LRP2: variants seen among roughly 807,000 people sequenced by gnomAD.
The protein encoded by LRP2 is LDL receptor related protein 2.
LRP2 carries 172 observed loss-of-function variants against 531.0 expected under a neutral mutation model. The observed-to-expected ratio is 0.32, with a 90% CI of 0.29 to 0.37. LRP2 has a LOEUF of 0.37. Among genes scored for constraint, LRP2 ranks in the 10% least tolerant of loss-of-function variants. The pLI, the probability that LRP2 is intolerant of heterozygous loss-of-function variation, is 1.00. For synonymous variants in LRP2, 1,992 were observed against 2,027.6 expected, an observed-to-expected ratio of 0.98 and a Z score of 0.47; for missense variants, 5,167 against 5,868.3, an observed-to-expected ratio of 0.88 and a Z score of 3.90.
chr2:169,243,633 T>C, intron 22 of LRP2, 111 bp from the exon 23 acceptor site: 1 of 1,303,842 alleles, frequency 7.7e-7, no homozygotes, highest in Non-Finnish European at 1.1e-6. Context: ...TGTACATGGG[T>C]TCAAAATTCT....
intron 77 of LRP2, among the ~76,000 whole-genome samples, chr2:169,131,518 A>T (rs1003493685): frequency 2.6e-5 from 4 of 152,204 alleles, no homozygotes; most frequent in Non-Finnish European, 5.9e-5. Flanking sequence ...AACTACTCTT[A>T]GACTTTCATT....
In LRP2 at chr2:169,156,510, G is replaced by C. The variant is rs1686336766; in HGVS notation, c.12020-105C>G. On this transcript the variant is annotated intron_variant, in intron 64 of 78. Transcript: ENST00000649046. ...TTCACCAGCAATGAGGACCGAGAAG[G>C]GTACAGATGAAAATAAGCAATGATA... 3.2e-6 allele frequency: 4 copies of C among 1,261,162 alleles called. No homozygotes were observed. In the Admixed American group the frequency reaches 6.8e-5, roughly 21 times the overall value. The allele number at this position is 1,261,162 out of a possible 1,614,324, so 78.1% of individuals were successfully genotyped here.
At chr2:169,322,283 G>A (rs1684926773) in intron 1 of LRP2, among the ~76,000 whole-genome samples, 1 of 152,196 alleles carries the variant, frequency 6.6e-6, no homozygotes, top group Admixed American at 6.5e-5. Context: ...TATTTCTAGG[G>A]TATATAGGCT....
chr2:169,243,016 C>G lies in LRP2; in HGVS notation c.3607G>C (p.Val1203Leu), dbSNP rs144864408. Reference sequence around the variant, plus strand: ...AAAACACCATCACAACGATTTGTGACGCCAATACATTTATCCCCACTGGCA... The same window carrying G: ...AAAACACCATCACAACGATTTGTGAGGCCAATACATTTATCCCCACTGGCA... The part of the protein sequence containing the change: ...KCASGDKCIG[V>L]TNRCDGVFDC... Residue 1203 changes from valine to leucine, a missense_variant, in exon 24 of 79, where the codon GTC (valine) becomes CTC (leucine). Val to Leu is a conservative substitution (Grantham distance 32). Transcript: ENST00000649046. 6.2e-7 allele frequency: 1 copy of G among 1,614,000 alleles called. No individual in the cohort carries two copies. The highest frequency in any genetic ancestry group is 1.3e-5 in the African/African-American group (1 of 74,928).
intron 60 of LRP2, 118 bp downstream of exon 60, chr2:169,169,584 A>C: frequency 2.5e-6 from 2 of 809,258 alleles, no homozygotes; most frequent in Non-Finnish European, 4.4e-6. Flanking sequence ...TTATCAGTGC[A>C]TGCTGAACAG....
intron 16 of LRP2, among the ~76,000 whole-genome samples, chr2:169,269,675 C>A (rs1208633759): frequency 6.6e-6 from 1 of 152,132 alleles, no homozygotes; most frequent in African/African-American, 2.4e-5. Flanking sequence ...TAGACAATAC[C>A]ATTCAGGCCA....
intron 1 of LRP2, among the ~76,000 whole-genome samples, chr2:169,342,238 C>T (rs1016296220): frequency 1.3e-5 from 2 of 148,966 alleles, no homozygotes; most frequent in Admixed American, 1.3e-4. Flanking sequence ...ATGTAATTAA[C>T]ATACACATAC....
intron 35 of LRP2, among the ~76,000 whole-genome samples, chr2:169,215,183 C>T (rs541986794): frequency 3.3e-5 from 5 of 152,276 alleles, no homozygotes; most frequent in Admixed American, 2.0e-4. Flanking sequence ...GGTCCATATT[C>T]GGAGTGAAGT....
chr2:169,323,770 G>A (rs984072218), intron 1 of LRP2, among the ~76,000 whole-genome samples: 20 of 151,318 alleles, frequency 1.3e-4, no homozygotes, highest in Non-Finnish European at 2.9e-4. Flanking sequence ...TCCAGTTTTA[G>A]CCAAGAAGTA....
Position 169,141,569 on chromosome 2 carries a change from C to G in LRP2, c.13109-1024G>C, listed in dbSNP as rs573855842. 3.6e-4 allele frequency among the ~76,000 whole-genome samples: 55 copies of G among 152,230 alleles called. 1 individual carries two copies. In the South Asian group the frequency reaches 0.011, roughly 31 times the overall value. ...CCTATATGGAATGACTGCCATCATTCGTGTGCTTACTTCGGTTAAAGTTCT... is the reference window on the plus strand; with the variant it reads ...CCTATATGGAATGACTGCCATCATTGGTGTGCTTACTTCGGTTAAAGTTCT... On this transcript the variant is annotated intron_variant, in intron 71 of 78. Coordinates refer to ENST00000649046, the MANE Select transcript of LRP2 (RefSeq NM_004525.3).
intron 45 of LRP2, 100 bp from the exon 46 acceptor site, chr2:169,197,130 C>A: frequency 7.0e-7 from 1 of 1,420,126 alleles, no homozygotes. Context: ...TAATAGTTAC[C>A]AAAAAAGGAA....
intron 1 of LRP2, among the ~76,000 whole-genome samples, chr2:169,357,932 C>T (rs147617991): frequency 3.9e-5 from 6 of 152,186 alleles, no homozygotes; most frequent in East Asian, 3.9e-4. Flanking sequence ...TTCAGGAATG[C>T]GCTTTGATGG....
chr2:169,131,915 T>C (rs902687639), intron 77 of LRP2, among the ~76,000 whole-genome samples: 3 of 152,342 alleles, frequency 2.0e-5, no homozygotes, highest in Non-Finnish European at 4.4e-5. Context: ...ATATCAAATA[T>C]ATTTATTGAA....
intron 33 of LRP2, among the ~76,000 whole-genome samples, chr2:169,223,730 T>TA (rs549114982): frequency 2.0e-5 from 3 of 151,814 alleles, no homozygotes; most frequent in African/African-American, 7.3e-5. Flanking sequence ...AAAATAAAAA[T>TA]AAAAAAAAGA....
At position 169,220,583 on chromosome 2, in the gene LRP2, A is replaced by G. The variant is rs773594600; in HGVS notation, c.5539-20T>C. The G allele has an allele frequency of 2.0e-6, 3 of 1,525,940 alleles. No individual in the cohort carries two copies. The highest frequency in any genetic ancestry group is 2.3e-5 in the South Asian group (2 of 88,160). 94.5% of individuals were successfully genotyped at this position (1,525,940 alleles called of 1,614,324 possible). A position where few individuals can be genotyped will look rare whatever the true frequency, so the allele number is the denominator to read the frequency against. On this transcript the variant is annotated intron_variant, in intron 33 of 78. Transcript: ENST00000649046. Reference sequence around the variant, plus strand: ...CAAAACCTATAGCATAAAATCACTTATTAGAACTGACTTTCATAAGGGGAA... The same window carrying G: ...CAAAACCTATAGCATAAAATCACTTGTTAGAACTGACTTTCATAAGGGGAA...
rs201753832 is a variant in LRP2 at position 169,156,306 on chromosome 2, C to T, written c.12119G>A (p.Ser4040Asn). ...CVCADGFTSM[S>N]DRPGKRCAAE... Reference sequence around the variant, plus strand: ...TGCACATCGTTTTCCAGGGCGGTCACTCATAGACGTGAAGCCATCAGCACA... The same window carrying T: ...TGCACATCGTTTTCCAGGGCGGTCATTCATAGACGTGAAGCCATCAGCACA... Residue 4040 changes from serine (S) to asparagine (N), a missense_variant, in exon 65 of 79, where the codon AGT (serine) becomes AAT (asparagine). Coordinates refer to ENST00000649046, the MANE Select transcript of LRP2 (RefSeq NM_004525.3). 2.8e-5 allele frequency: 45 copies of T among 1,613,658 alleles called. No homozygotes were observed. The highest frequency in any genetic ancestry group is 2.7e-5 in the Non-Finnish European group (32 of 1,179,734).
At chr2:169,177,562 A>G (rs1017759088) in intron 53 of LRP2, among the ~76,000 whole-genome samples, 1 of 152,128 alleles carries the variant, frequency 6.6e-6, no homozygotes, top group African/African-American at 2.4e-5. Context: ...AAAAAAAAAA[A>G]GATGATCTTG....
Position 169,244,758 on chromosome 2 carries a change from A to G in LRP2, c.3365T>C (p.Ile1122Thr), listed in dbSNP as rs774271861. Reference sequence around the variant, plus strand: ...TGTGTCACAGACCCAGTTCTTTGAGATACACTGGTGATTATCACAGGTGTA... The same window carrying G: ...TGTGTCACAGACCCAGTTCTTTGAGGTACACTGGTGATTATCACAGGTGTA... ...TQYTCDNHQC[I>T]SKNWVCDTDN... Residue 1122 changes from isoleucine to threonine, a missense_variant, in exon 22 of 79, where the codon ATC (isoleucine) becomes ACC (threonine). Physicochemically the swap from Ile to Thr is moderately conservative, Grantham distance 89. Around this residue, in one of 6 missense-constraint regions of LRP2, gnomAD observed 2,811 missense variants for 3,058.0 expected, o/e 0.92. Transcript: ENST00000649046. 1 of 1,614,174 alleles carries G rather than the reference A, an allele frequency of 6.2e-7. No homozygotes were observed. Among genetic ancestry groups the G allele is most frequent in the Non-Finnish European group, 8.5e-7 (1 of 1,180,020 alleles).
intron 9 of LRP2, among the ~76,000 whole-genome samples, chr2:169,286,995 G>C (rs936329824): frequency 2.6e-5 from 4 of 152,172 alleles, no homozygotes; most frequent in African/African-American, 9.7e-5. Context: ...AAAGGAGCCT[G>C]ACATTTGCTA....
Sources: gnomAD v4.1 joint callset for allele counts (sites outside exome capture counted in the v4.1 genomes callset) on GRCh38, gnomAD v4.1.1 for gene constraint, gnomAD v4.1.1 regional missense constraint, MANE v1.5 for transcripts, NCBI Gene and HGNC (gene_info 2026-07-23, HGNC 2026-07-21) for gene names.